ACTA2: variants seen among roughly 807,000 people sequenced by gnomAD.
ACTA2 encodes actin, aortic smooth muscle.
ACTA2 carries 12 observed loss-of-function variants against 39.5 expected under a neutral mutation model. The ratio of observed to expected loss-of-function variants is 0.30; its 90% CI spans 0.19 to 0.49. The LOEUF (loss-of-function observed/expected upper bound fraction) is 0.49. Among genes scored for constraint, ACTA2 ranks in the 20% least tolerant of loss-of-function variants. The probability of loss-of-function intolerance (pLI) is 0.99; values close to 1 mark genes in which losing one functional copy is unlikely to be tolerated. For missense variants in ACTA2, 236 were observed against 498.8 expected (o/e 0.47, Z 5.02); for synonymous variants, 158 against 180.6 (o/e 0.88, Z 1.00).
At chr10:88,988,423 T>G (rs111695595) in intron 1 of ACTA2, among the ~76,000 whole-genome samples, 41,082 of 76,126 alleles carry the variant, frequency 0.54, 6,205 homozygotes, top group Admixed American at 0.55. Flanking sequence ...GAAGTTTTTT[T>G]TTTTTTTTGT....
At chr10:88,975,022 A>G (rs1846530950) in intron 1 of ACTA2, 1 of 152,234 alleles carries the variant, frequency 6.6e-6, no homozygotes, top group African/African-American at 2.4e-5. Context: ...CAGTTAGATG[A>G]TGCAAATTGT....
chr10:88,987,464 G>T (rs1325449719), intron 1 of ACTA2, among the ~76,000 whole-genome samples: 1 of 152,182 alleles, frequency 6.6e-6, no homozygotes, highest in Admixed American at 6.5e-5. Context: ...TGATCTTTCA[G>T]CATGGTTTCC....
intron 1 of ACTA2, among the ~76,000 whole-genome samples, chr10:88,951,907 G>A (rs769251868): frequency 1.1e-4 from 16 of 152,204 alleles, no homozygotes; most frequent in Non-Finnish European, 1.9e-4. Flanking sequence ...TTGATTTGCA[G>A]TGAAACTCAG....
intron 7 of ACTA2, among the ~76,000 whole-genome samples, chr10:88,939,032 T>C (rs992654205): frequency 1.3e-5 from 2 of 152,136 alleles, no homozygotes; most frequent in Non-Finnish European, 2.9e-5. Context: ...GTTAAGTGAC[T>C]TTCCCAAGAT....
chr10:88,936,969 A>G (rs1056059958), intron 8 of ACTA2, among the ~76,000 whole-genome samples: 3 of 152,076 alleles, frequency 2.0e-5, no homozygotes, highest in Admixed American at 6.5e-5. Context: ...GAACTGCCCA[A>G]CTCTAGCAAT....
chr10:88,982,120 C>T (rs1410621785), intron 1 of ACTA2, among the ~76,000 whole-genome samples: 2 of 152,172 alleles, frequency 1.3e-5, no homozygotes, highest in African/African-American at 2.4e-5. Flanking sequence ...TGGTTCAAAC[C>T]CCAGCTCTAC....
intron 1 of ACTA2, among the ~76,000 whole-genome samples, chr10:88,987,551 C>A (rs1846940001): frequency 6.6e-6 from 1 of 152,226 alleles, no homozygotes; most frequent in Non-Finnish European, 1.5e-5. Context: ...TCACAACCAA[C>A]CACATCAGTT....
At chr10:88,961,852 C>T (rs907082219) in intron 1 of ACTA2, among the ~76,000 whole-genome samples, 1 of 152,174 alleles carries the variant, frequency 6.6e-6, no homozygotes, top group South Asian at 2.1e-4. Context: ...GTGAAAATCA[C>T]AAACCTTAGT....
intron 6 of ACTA2, 108 bp from the exon 7 acceptor site, chr10:88,939,806 T>C: frequency 8.4e-7 from 1 of 1,188,262 alleles, no homozygotes; most frequent in South Asian, 1.3e-5. Context: ...CATCAAAAAA[T>C]GTGTCAGTTC....
Position 88,948,801 on chromosome 10 carries a change from C to A in ACTA2, c.129+1G>T. 1 of 1,613,870 alleles carries A rather than the reference C, an allele frequency of 6.2e-7. No individual in the cohort carries two copies. Among genetic ancestry groups the A allele is most frequent in the Non-Finnish European group, 8.5e-7 (1 of 1,179,826 alleles). ...TATGTTCCAATCATAATTTTCCTCA[C>A]CTGATGTCTGGGACGTCCCACAATG... is the stretch of plus-strand genomic sequence containing the variant. On this transcript the variant is annotated splice_donor_variant, in intron 2 of 8. Transcript: ENST00000224784. LOFTEE classifies it high-confidence loss of function.
chr10:88,947,842 G>A (rs1353176528), intron 2 of ACTA2, among the ~76,000 whole-genome samples: 4 of 152,064 alleles, frequency 2.6e-5, no homozygotes, highest in African/African-American at 7.2e-5. Context: ...AAAAGAATAT[G>A]AGCATTATTT....
In ACTA2 at chr10:88,947,315, C is replaced by G. The variant is rs199773697; in HGVS notation, c.201G>C (p.Leu67=). The G allele has an allele frequency of 6.5e-5, 105 of 1,613,862 alleles. No individual in the cohort carries two copies. The highest frequency in any genetic ancestry group is 3.3e-4 in the Middle Eastern group (2 of 6,080). The change falls in exon 3 of 9, where the codon CTG becomes CTC. Residue 67 remains leucine (L), a synonymous_variant. Coordinates refer to ENST00000224784, the MANE Select transcript of ACTA2 (RefSeq NM_001613.4). ...CATGTTCTATCGGGTACTTCAGGGT[C>G]AGGATTCCTCTTTTGCTCTGTGCTT... ...GDEAQSKRGI[L]TLKYPIEHGI... is the part of the protein sequence containing the mutation.
At chr10:88,956,577 T>A (rs945748144), upstream of ACTA2, among the ~76,000 whole-genome samples, 22 of 152,194 alleles carry the variant, frequency 1.4e-4, no homozygotes, top group Admixed American at 2.6e-4. Context: ...GTTTAGGGGA[T>A]TAGTAGGTGA....
At chr10:88,974,468 G>A (rs1054856806) in intron 1 of ACTA2, 2 of 152,150 alleles carry the variant, frequency 1.3e-5, no homozygotes, top group Non-Finnish European at 2.9e-5. Flanking sequence ...TTAAATGTTG[G>A]TGGTCTTTTA....
intron 2 of ACTA2, among the ~76,000 whole-genome samples, chr10:88,947,932 T>G (rs1845981701): frequency 6.6e-6 from 1 of 152,178 alleles, no homozygotes; most frequent in African/African-American, 2.4e-5. Flanking sequence ...TTCATACCAA[T>G]CAACTGTTAA....
At chr10:88,960,817 C>T (rs1427314140) in intron 1 of ACTA2, among the ~76,000 whole-genome samples, 1 of 152,188 alleles carries the variant, frequency 6.6e-6, no homozygotes, top group Non-Finnish European at 1.5e-5. Flanking sequence ...ATTCCTTGAA[C>T]TAGTAACAAA....
At chr10:88,962,969 ATATATAT>A (rs1846259190) in intron 1 of ACTA2, among the ~76,000 whole-genome samples, 9 of 42,236 alleles carry the variant, frequency 2.1e-4, no homozygotes, top group South Asian at 8.1e-4. Context: ...ATATATATAT[ATATATAT>A]AATATTTTTT....
At chr10:88,941,415 G>A (rs1236518487) in intron 5 of ACTA2, 25 bp from the exon 6 acceptor site, 2 of 1,613,746 alleles carry the variant, frequency 1.2e-6, no homozygotes, top group Non-Finnish European at 1.7e-6. Context: ...GGCGTGATAA[G>A]TCACCATGGC....
intron 1 of ACTA2, among the ~76,000 whole-genome samples, chr10:88,967,202 T>C (rs1254458344): frequency 1.3e-5 from 2 of 152,194 alleles, no homozygotes; most frequent in Admixed American, 1.3e-4. Flanking sequence ...AATTTTATAC[T>C]GAAGAGCTCC....
Sources: allele counts gnomAD v4.1 joint callset (sites outside exome capture counted in the v4.1 genomes callset), GRCh38; gene constraint gnomAD v4.1.1; transcripts MANE v1.5; gene names NCBI Gene and HGNC (gene_info 2026-07-23, HGNC 2026-07-21).